Variants in SHB observed in about 807,000 individuals in gnomAD.
The protein encoded by SHB is SH2 domain containing adaptor protein B, also known as SH2 domain-containing adapter protein B.
A neutral mutation model predicts 52.3 loss-of-function variants in SHB; 20 were observed. The observed-to-expected ratio is 0.38, with a 90% confidence interval of 0.27 to 0.56. SHB has a LOEUF of 0.56. Ranked by LOEUF, SHB falls within the 20% of genes least tolerant of loss-of-function variation. The pLI, the probability that SHB is intolerant of heterozygous loss-of-function variation, is 0.71. For synonymous variants in SHB, 397 were observed against 316.5 expected (o/e 1.25, Z -2.70); for missense variants, 825 against 723.3 (o/e 1.14, Z -1.61).
intron 5 of SHB, among the ~76,000 whole-genome samples, chr9:37,942,381 A>T (rs1832444701): frequency 6.6e-6 from 1 of 152,244 alleles, no homozygotes; most frequent in African/African-American, 2.4e-5. Context: ...GTCTAGTCAT[A>T]GAACCCTTAA....
chr9:37,962,407 G>A (rs903666748), intron 3 of SHB, among the ~76,000 whole-genome samples: 1 of 152,190 alleles, frequency 6.6e-6, no homozygotes, highest in African/African-American at 2.4e-5. Flanking sequence ...ACCTGGCTCA[G>A]CAGGACTGTA....
chr9:38,011,172 A>T (rs1459323758), intron 2 of SHB, among the ~76,000 whole-genome samples: 1 of 152,124 alleles, frequency 6.6e-6, no homozygotes, highest in Non-Finnish European at 1.5e-5. Context: ...TGGGATCAAG[A>T]CCTGGGGAAG....
At chr9:37,959,660 A>G (rs1219366120) in intron 3 of SHB, among the ~76,000 whole-genome samples, 1 of 152,166 alleles carries the variant, frequency 6.6e-6, no homozygotes, top group Non-Finnish European at 1.5e-5. Context: ...GAGGGAGCCC[A>G]AGCTTTTCGG....
intron 2 of SHB, among the ~76,000 whole-genome samples, chr9:37,992,173 G>C (rs957110251): frequency 7.9e-5 from 12 of 152,156 alleles, no homozygotes; most frequent in Non-Finnish European, 1.6e-4. Context: ...GGCCGAGGTG[G>C]GAGGGTCACC....
chr9:38,054,229 TG>T (rs902720986), intron 1 of SHB, among the ~76,000 whole-genome samples: 1 of 152,232 alleles, frequency 6.6e-6, no homozygotes, highest in Non-Finnish European at 1.5e-5. Flanking sequence ...GCAACAGCCC[TG>T]GGCTCCTGTG....
At chr9:37,968,140 G>A (rs1218688563) in intron 3 of SHB, among the ~76,000 whole-genome samples, 1 of 152,204 alleles carries the variant, frequency 6.6e-6, no homozygotes, top group Non-Finnish European at 1.5e-5. Context: ...ATGTAATACA[G>A]CAAGCCCCCT....
intron 2 of SHB, among the ~76,000 whole-genome samples, chr9:37,980,776 A>G (rs1820714930): frequency 1.3e-5 from 2 of 152,366 alleles, no homozygotes; most frequent in East Asian, 3.9e-4. Context: ...TGGGCCGCGG[A>G]ATGGATGTTG....
intron 5 of SHB, among the ~76,000 whole-genome samples, chr9:37,932,454 T>C (rs961531876): frequency 4.1e-5 from 6 of 148,082 alleles, no homozygotes; most frequent in Non-Finnish European, 1.5e-5. Flanking sequence ...ACATGCAGGA[T>C]GAACAAGTCT....
intron 2 of SHB, among the ~76,000 whole-genome samples, chr9:38,002,239 C>T (rs1455662418): frequency 6.6e-6 from 1 of 152,204 alleles, no homozygotes; most frequent in African/African-American, 2.4e-5. Context: ...AATAACCCCA[C>T]ACATATAACT....
chr9:38,005,741 T>G (rs767449541), intron 2 of SHB, among the ~76,000 whole-genome samples: 3 of 152,180 alleles, frequency 2.0e-5, no homozygotes, highest in Non-Finnish European at 4.4e-5. Flanking sequence ...AGAGTACTAA[T>G]TAATTAGTCA....
intron 1 of SHB, among the ~76,000 whole-genome samples, chr9:38,064,104 T>C (rs1821931346): frequency 6.6e-6 from 1 of 152,098 alleles, no homozygotes; most frequent in Admixed American, 6.6e-5. Context: ...TTTTTTTTTT[T>C]TTCATAAAGC....
intron 2 of SHB, among the ~76,000 whole-genome samples, chr9:37,991,364 T>A (rs1224477915): frequency 2.0e-5 from 3 of 152,214 alleles, no homozygotes; most frequent in Non-Finnish European, 2.9e-5. Context: ...TGGAATTCCA[T>A]CAACTTCTAC....
chr9:37,990,112 A>G (rs955539928), intron 2 of SHB, among the ~76,000 whole-genome samples: 4 of 152,184 alleles, frequency 2.6e-5, no homozygotes, highest in African/African-American at 9.7e-5. Context: ...ACCTTGATTG[A>G]GTAGAGATGG....
chr9:37,985,839 T>C (rs1438398646), intron 2 of SHB, among the ~76,000 whole-genome samples: 2 of 123,462 alleles, frequency 1.6e-5, no homozygotes, highest in Non-Finnish European at 3.4e-5. Flanking sequence ...CTGTAAGCGC[T>C]GAGTTGGACA....
intron 2 of SHB, among the ~76,000 whole-genome samples, chr9:37,977,014 T>C (rs748300017): frequency 1.8e-4 from 27 of 152,236 alleles, no homozygotes; most frequent in Admixed American, 1.5e-3. Flanking sequence ...ATTAACTTTA[T>C]GCTAGTATTT....
chr9:38,035,846 C>A (rs1252755970), intron 1 of SHB, among the ~76,000 whole-genome samples: 2 of 152,038 alleles, frequency 1.3e-5, no homozygotes, highest in African/African-American at 4.8e-5. Flanking sequence ...CTAAGTTTGG[C>A]CCCCAGAAAT....
Position 37,954,918 on chromosome 9 carries a change from C to T in SHB, c.1226+965G>A, listed in dbSNP as rs1168132796. 2.0e-5 allele frequency among the ~76,000 whole-genome samples: 3 copies of T among 152,118 alleles called. No individual in the cohort carries two copies. The East Asian group carries it at 5.8e-4, about 30-fold the overall frequency. ...AGGGGAGGGGCAATAAAGGGCCCGG[C>T]CCTGCACAGTGCTGGGGGGCAGCAA... On this transcript the variant is annotated intron_variant, in intron 4 of 5. Coordinates refer to ENST00000377707, the MANE Select transcript of SHB (RefSeq NM_003028.3).
At chr9:37,936,172 C>A (rs753310844) in intron 5 of SHB, among the ~76,000 whole-genome samples, 1 of 152,070 alleles carries the variant, frequency 6.6e-6, no homozygotes, top group Non-Finnish European at 1.5e-5. Context: ...GCCGAGATAG[C>A]GCCATTGCAC....
chr9:38,066,041 T>C (rs1412150410), intron 1 of SHB, among the ~76,000 whole-genome samples: 2 of 152,114 alleles, frequency 1.3e-5, no homozygotes, highest in Non-Finnish European at 2.9e-5. Context: ...ATCACGCCAC[T>C]ATGGCCTCTG....
Sources: gnomAD v4.1 joint callset for allele counts (sites outside exome capture counted in the v4.1 genomes callset) on GRCh38, gnomAD v4.1.1 for gene constraint, MANE v1.5 for transcripts, NCBI Gene and HGNC (gene_info 2026-07-23, HGNC 2026-07-21) for gene names.